The following CORIN variants were observed in gnomAD, a reference collection of about 807,000 sequenced individuals.
CORIN encodes atrial natriuretic peptide-converting enzyme.
CORIN carries 117 observed loss-of-function variants against 125.3 expected under a neutral mutation model. The ratio of observed to expected loss-of-function variants is 0.93; its 90% CI spans 0.80 to 1.09. CORIN has a LOEUF of 1.09. Ranked by LOEUF, CORIN falls within the 50% of genes least tolerant of loss-of-function variation. The pLI, the probability that CORIN is intolerant of heterozygous loss-of-function variation, is 0.00. For synonymous variants in CORIN, 450 were observed against 466.4 expected, an observed-to-expected ratio of 0.96 and a Z score of 0.45; for missense variants, 1,253 against 1,306.7, an observed-to-expected ratio of 0.96 and a Z score of 0.63.
rs376318323 is a variant in CORIN, at chr4:47,657,727, CAA to C, written c.1735+3982_1735+3983del. ...GCACGTCACATGGCAAAAGCAGGAACAAGAGAGAGAGAGAGTTGGAAGGAGGC... is the reference window on the plus strand; with the variant it reads ...GCACGTCACATGGCAAAAGCAGGAACGAGAGAGAGAGAGTTGGAAGGAGGC... On this transcript the variant is annotated intron_variant, in intron 12 of 21. Coordinates refer to ENST00000273857, the MANE Select transcript of CORIN (RefSeq NM_006587.4). Among the ~76,000 whole-genome samples, 678 of 151,834 alleles carry C rather than the reference CAA, an allele frequency of 4.5e-3. 4 individuals are homozygous for C. The highest frequency in any genetic ancestry group is 0.015 in the African/African-American group (640 of 41,382).
At chr4:47,621,378 C>T (rs1039115858) in intron 19 of CORIN, among the ~76,000 whole-genome samples, 8 of 152,160 alleles carry the variant, frequency 5.3e-5, no homozygotes, top group African/African-American at 1.9e-4. Flanking sequence ...TGTCAGACTT[C>T]AGATGGTGCC....
In CORIN at chr4:47,680,182, C is replaced by A. The variant is rs1227232210; in HGVS notation, c.1091G>T (p.Gly364Val). ...RCIAMEWVCD[G>V]DHDCVDKSDE... ...AGACTTATCCACACAGTCGTGGTCA[C>A]CATCACACACCCACTCCATGGCGAT... Residue 364 changes from glycine to valine, a missense_variant, in exon 8 of 22, where the codon GGT becomes GTT. By Grantham distance (109) the Gly-to-Val change is moderately radical. Coordinates refer to ENST00000273857, the MANE Select transcript of CORIN (RefSeq NM_006587.4). 1.5e-5 allele frequency: 24 copies of A among 1,613,984 alleles called. 1 individual carries two copies. In the East Asian group the frequency reaches 5.4e-4, roughly 36 times the overall value.
At chr4:47,747,210 G>A (rs916873981) in intron 4 of CORIN, among the ~76,000 whole-genome samples, 2 of 151,852 alleles carry the variant, frequency 1.3e-5, no homozygotes, top group African/African-American at 2.4e-5. Flanking sequence ...AATTGCAGCT[G>A]ATCTCAATTA....
chr4:47,677,304 T>C (rs1725066165), intron 9 of CORIN, among the ~76,000 whole-genome samples: 1 of 152,198 alleles, frequency 6.6e-6, no homozygotes, highest in South Asian at 2.1e-4. Context: ...GCAACAATCA[T>C]GTTATTAACA....
At chr4:47,802,407 G>A (rs1731583771) in intron 2 of CORIN, among the ~76,000 whole-genome samples, 1 of 152,082 alleles carries the variant, frequency 6.6e-6, no homozygotes, top group Admixed American at 6.5e-5. Flanking sequence ...TCCCAGGCCT[G>A]GAAGCATGCA....
At position 47,720,680 on chromosome 4, in the gene CORIN, G is replaced by A. The variant is rs147431032; in HGVS notation, c.799+23722C>T. Among the ~76,000 whole-genome samples the A allele has an allele frequency of 5.1e-3, 770 of 152,230 alleles. 6 individuals carry two copies. The Middle Eastern group carries it at 0.061, about 12-fold the overall frequency. On this transcript the variant is annotated intron_variant, in intron 5 of 21. Transcript: ENST00000273857. The stretch of plus-strand genomic sequence containing the variant: ...TTCTTTCGTGGGCTGAATGCTATAG[G>A]TCTACCTTTAATTTATGCTATTAAG...
chr4:47,599,242 G>A (rs999476245), intron 21 of CORIN, among the ~76,000 whole-genome samples: 18 of 152,086 alleles, frequency 1.2e-4, no homozygotes, highest in African/African-American at 3.9e-4. Context: ...AAGGAGGGTG[G>A]TCTCAGCGAA....
chr4:47,719,191 G>A (rs2109793309), intron 5 of CORIN, among the ~76,000 whole-genome samples: 1 of 152,262 alleles, frequency 6.6e-6, no homozygotes, highest in Admixed American at 6.5e-5. Flanking sequence ...CAAGTAGTAT[G>A]ACAAACATGT....
intron 14 of CORIN, 117 bp downstream of exon 14, chr4:47,644,964 T>C (rs1723401180): frequency 5.2e-6 from 3 of 579,336 alleles, no homozygotes; most frequent in East Asian, 2.8e-5. Flanking sequence ...TCAAAAGATG[T>C]GAAAATACTA....
intron 3 of CORIN, among the ~76,000 whole-genome samples, chr4:47,771,382 A>G (rs1730021107): frequency 6.6e-6 from 1 of 152,230 alleles, no homozygotes; most frequent in Admixed American, 6.5e-5. Flanking sequence ...GGGTTACAGT[A>G]AGCTAAGAGA....
chr4:47,728,042 T>C (rs1220821264), intron 5 of CORIN, among the ~76,000 whole-genome samples: 1 of 152,114 alleles, frequency 6.6e-6, no homozygotes, highest in African/African-American at 2.4e-5. Flanking sequence ...AAAATAAACA[T>C]ATGGATAGAG....
In CORIN at chr4:47,632,764, TAGAGATAGATAGTTAGATAGA is replaced by T. The variant is rs1182120541; in HGVS notation, c.2199-6264_2199-6244del. Among the ~76,000 whole-genome samples, 30 of 139,548 alleles carry T rather than the reference TAGAGATAGATAGTTAGATAGA, an allele frequency of 2.1e-4. No individual in the cohort carries two copies. The South Asian group carries it at 4.9e-3, about 23-fold the overall frequency. 91.5% of individuals were successfully genotyped at this position (139,548 alleles called of 152,430 possible). On this transcript the variant is annotated intron_variant, in intron 16 of 21. Coordinates refer to ENST00000273857, the MANE Select transcript of CORIN (RefSeq NM_006587.4). The stretch of plus-strand genomic sequence containing the variant: ...ATAGATAGATAGATAGATAGATAGA[TAGAGATAGATAGTTAGATAGA>T]TTTTTTTTTTTTGAGATGGAGTCTC...
intron 16 of CORIN, among the ~76,000 whole-genome samples, chr4:47,630,023 A>G (rs1053613824): frequency 2.1e-4 from 32 of 152,122 alleles, no homozygotes; most frequent in African/African-American, 5.8e-4. Flanking sequence ...TTGACAGCAC[A>G]CCATGTTCTT....
intron 1 of CORIN, among the ~76,000 whole-genome samples, chr4:47,820,049 G>A (rs1180529193): frequency 6.6e-6 from 1 of 152,122 alleles, no homozygotes; most frequent in Non-Finnish European, 1.5e-5. Flanking sequence ...GTATAAAAGT[G>A]CCTGACTCCG....
intron 19 of CORIN, among the ~76,000 whole-genome samples, chr4:47,609,793 TC>T (rs1721803290): frequency 1.3e-5 from 2 of 152,268 alleles, no homozygotes; most frequent in African/African-American, 2.4e-5. Context: ...GTGTGTTATC[TC>T]CCACTATGTG....
At chr4:47,605,591 C>A (rs16860441) in intron 19 of CORIN, among the ~76,000 whole-genome samples, 334 of 152,278 alleles carry the variant, frequency 2.2e-3, no homozygotes, top group African/African-American at 7.7e-3. Flanking sequence ...CACACTACCA[C>A]TGTTCCTGCT....
At chr4:47,779,325 T>G (rs1370565766) in intron 3 of CORIN, among the ~76,000 whole-genome samples, 2 of 152,166 alleles carry the variant, frequency 1.3e-5, no homozygotes, top group African/African-American at 4.8e-5. Context: ...AGATATCTAA[T>G]TAGACTCCCT....
chr4:47,765,364 G>C (rs1321052005), intron 3 of CORIN, among the ~76,000 whole-genome samples: 2 of 151,616 alleles, frequency 1.3e-5, no homozygotes, highest in African/African-American at 4.8e-5. Flanking sequence ...CATTTGGAGA[G>C]CTTCACTGTT....
At position 47,652,869 on chromosome 4, in the gene CORIN, C is replaced by T. The variant is rs927563156; in HGVS notation, c.1843+684G>A. 3.3e-5 allele frequency: 5 copies of T among 152,162 alleles called. No homozygotes were observed. The East Asian group carries it at 5.8e-4, about 18-fold the overall frequency. 9.4% of individuals were successfully genotyped at this position (152,162 alleles called of 1,614,324 possible). On this transcript the variant is annotated intron_variant, in intron 13 of 21. Transcript: ENST00000273857. ...TCTATTTAGCAACATGGGAAGCATA[C>T]GCAAAGACACTATTATTCTGGCTTT...
Sources: allele counts gnomAD v4.1 joint callset (sites outside exome capture counted in the v4.1 genomes callset), GRCh38; gene constraint gnomAD v4.1.1; transcripts MANE v1.5; gene names NCBI Gene and HGNC (gene_info 2026-07-23, HGNC 2026-07-21).